The following SLC35F3 variants were observed in gnomAD, a reference collection of about 807,000 sequenced individuals.
SLC35F3 encodes the protein putative thiamine transporter SLC35F3.
SLC35F3 carries 25 observed loss-of-function variants against 49.9 expected under a neutral mutation model. The ratio of observed to expected loss-of-function variants is 0.50; its 90% CI spans 0.37 to 0.70. The LOEUF is 0.70. Among genes scored for constraint, SLC35F3 ranks in the 30% least tolerant of loss-of-function variants. The pLI, the probability that SLC35F3 is intolerant of heterozygous loss-of-function variation, is 0.00. For missense variants in SLC35F3, 525 were observed against 639.8 expected, an observed-to-expected ratio of 0.82 and a Z score of 1.94; for synonymous variants, 275 against 265.4, an observed-to-expected ratio of 1.04 and a Z score of -0.35.
intron 2 of SLC35F3, among the ~76,000 whole-genome samples, chr1:233,918,485 G>T (rs1374622498): frequency 6.6e-6 from 1 of 152,136 alleles, no homozygotes; most frequent in Non-Finnish European, 1.5e-5. Context: ...AAATTTGAAG[G>T]TCTGTTGCTT....
chr1:234,169,076 C>T (rs1039599950), intron 2 of SLC35F3, among the ~76,000 whole-genome samples: 1 of 152,154 alleles, frequency 6.6e-6, no homozygotes, highest in Admixed American at 6.5e-5. Context: ...TCCAAAGAGC[C>T]GAGAATCAGG....
intron 3 of SLC35F3, among the ~76,000 whole-genome samples, chr1:234,277,156 C>T (rs909880298): frequency 6.6e-6 from 1 of 152,218 alleles, no homozygotes; most frequent in African/African-American, 2.4e-5. Context: ...AACCATCATC[C>T]ACAGTCCAAT....
intron 2 of SLC35F3, among the ~76,000 whole-genome samples, chr1:233,978,995 C>A (rs1663136291): frequency 6.6e-6 from 1 of 150,896 alleles, no homozygotes; most frequent in Non-Finnish European, 1.5e-5. Flanking sequence ...GAGATTCAGC[C>A]ATTGCACTCC....
At chr1:234,297,753 A>G (rs1668627454) in intron 3 of SLC35F3, among the ~76,000 whole-genome samples, 1 of 152,044 alleles carries the variant, frequency 6.6e-6, no homozygotes, top group African/African-American at 2.4e-5. Context: ...CAAAAAAAAA[A>G]AAAAAAACAG....
intron 2 of SLC35F3, among the ~76,000 whole-genome samples, chr1:234,215,596 C>T (rs1004770898): frequency 6.6e-6 from 1 of 152,210 alleles, no homozygotes; most frequent in African/African-American, 2.4e-5. Flanking sequence ...CCATGGGCTC[C>T]GACAGAGCCT....
chr1:234,221,962 G>A (rs115841459), intron 2 of SLC35F3, among the ~76,000 whole-genome samples: 260 of 152,320 alleles, frequency 1.7e-3, no homozygotes, highest in Non-Finnish European at 2.5e-3. Flanking sequence ...GCTATAGTCA[G>A]AGAGCAGAGC....
At chr1:234,236,452 A>G (rs1047240647) in intron 3 of SLC35F3, among the ~76,000 whole-genome samples, 1 of 152,108 alleles carries the variant, frequency 6.6e-6, no homozygotes, top group Non-Finnish European at 1.5e-5. Flanking sequence ...AACAAAAAAA[A>G]AGAAGTTAGC....
At chr1:233,984,480 G>A (rs976975811) in intron 2 of SLC35F3, among the ~76,000 whole-genome samples, 5 of 152,190 alleles carry the variant, frequency 3.3e-5, no homozygotes, top group Admixed American at 2.6e-4. Flanking sequence ...GAAAGCAGAA[G>A]CCACGGGCAA....
At chr1:234,051,485 A>G (rs1664375620) in intron 2 of SLC35F3, among the ~76,000 whole-genome samples, 1 of 152,132 alleles carries the variant, frequency 6.6e-6, no homozygotes, top group Non-Finnish European at 1.5e-5. Flanking sequence ...TTGCACATTG[A>G]TTTTATATTC....
intron 3 of SLC35F3, among the ~76,000 whole-genome samples, chr1:234,292,535 T>G (rs1668525017): frequency 1.3e-5 from 2 of 152,194 alleles, no homozygotes; most frequent in South Asian, 4.1e-4. Context: ...AAGAAATGAC[T>G]AAAACAATTG....
chr1:234,318,925 T>G lies in SLC35F3; in HGVS notation c.1129T>G (p.Phe377Val), dbSNP rs1657553773. The change falls in exon 6 of 8, where the codon TTT becomes GTT. Residue 377 changes from phenylalanine (F) to valine (V), a missense_variant. Physicochemically the swap from Phe to Val is conservative, Grantham distance 50. This residue lies in a region of SLC35F3 where 216 missense variants were observed against 298.1 expected (regional missense o/e 0.72). Transcript: ENST00000366618. ...CATTCCATGGGGAAACCTTTGTGGA[T>G]TTTCAGTTCTTTTATTGAGTAAGTG... ...DDIPWGNLCG[F>V]SVLLLTFNIV... 1 of 1,613,852 alleles carries G rather than the reference T, an allele frequency of 6.2e-7. No individual in the cohort carries two copies. Among genetic ancestry groups the G allele is most frequent in the Non-Finnish European group, 8.5e-7 (1 of 1,179,968 alleles).
At chr1:234,026,291 G>A (rs1663977787) in intron 2 of SLC35F3, among the ~76,000 whole-genome samples, 1 of 152,144 alleles carries the variant, frequency 6.6e-6, no homozygotes, top group Non-Finnish European at 1.5e-5. Context: ...CTCTTCTTTG[G>A]TTCAGTATGA....
chr1:234,039,395 A>G (rs1043734433), intron 2 of SLC35F3, among the ~76,000 whole-genome samples: 2 of 152,240 alleles, frequency 1.3e-5, no homozygotes, highest in Non-Finnish European at 2.9e-5. Context: ...TATAAACATT[A>G]AAATAGGGTA....
At chr1:234,200,012 A>T (rs1368685430) in intron 2 of SLC35F3, among the ~76,000 whole-genome samples, 2 of 152,240 alleles carry the variant, frequency 1.3e-5, no homozygotes, top group Admixed American at 1.3e-4. Context: ...GGTGCAGAGT[A>T]ACAGGGACAA....
chr1:234,071,019 A>G (rs1664705593), intron 2 of SLC35F3, among the ~76,000 whole-genome samples: 1 of 152,230 alleles, frequency 6.6e-6, no homozygotes, highest in Non-Finnish European at 1.5e-5. Flanking sequence ...GGCAGCCGAC[A>G]GAGCCTCACG....
At chr1:234,121,823 C>T (rs1245878786) in intron 2 of SLC35F3, among the ~76,000 whole-genome samples, 1 of 152,150 alleles carries the variant, frequency 6.6e-6, no homozygotes, top group African/African-American at 2.4e-5. Context: ...GTTTGGTTTT[C>T]TGTCCTTATG....
At chr1:233,944,839 A>T (rs1662486988) in intron 2 of SLC35F3, among the ~76,000 whole-genome samples, 1 of 147,472 alleles carries the variant, frequency 6.8e-6, no homozygotes, top group Non-Finnish European at 1.5e-5. Context: ...AGTTAATGAT[A>T]AACGATGCTC....
intron 2 of SLC35F3, among the ~76,000 whole-genome samples, chr1:234,083,567 T>A (rs1664914706): frequency 6.6e-6 from 1 of 152,224 alleles, no homozygotes; most frequent in African/African-American, 2.4e-5. Context: ...GAGTACCTTC[T>A]GCACCCTCGA....
intron 2 of SLC35F3, among the ~76,000 whole-genome samples, chr1:234,181,063 C>T (rs189495744): frequency 8.5e-4 from 130 of 152,078 alleles, no homozygotes; most frequent in Middle Eastern, 3.4e-3. Flanking sequence ...TGGCCAGGCG[C>T]GGTGGCTGGA....
Sources: allele counts gnomAD v4.1 joint callset (sites outside exome capture counted in the v4.1 genomes callset), GRCh38; gene constraint gnomAD v4.1.1; regional missense constraint gnomAD v4.1.1; transcripts MANE v1.5; gene names NCBI Gene and HGNC (gene_info 2026-07-23, HGNC 2026-07-21).